NPY2R: variants seen among roughly 807,000 people sequenced by gnomAD.
The protein encoded by NPY2R is neuropeptide Y receptor type 2.
Under a neutral mutation model 22.3 loss-of-function variants are expected in NPY2R, and 17 were observed. That is an observed-to-expected ratio of 0.76 (90% CI 0.52 to 1.14). The LOEUF (loss-of-function observed/expected upper bound fraction) is 1.14, where lower values mean the gene tolerates loss of function less well. NPY2R is among the 50% of genes most tolerant of loss of function. The pLI, the probability that NPY2R is intolerant of heterozygous loss-of-function variation, is 0.00. For synonymous variants in NPY2R, 209 were observed against 183.4 expected, an observed-to-expected ratio of 1.14 and a Z score of -1.13; for missense variants, 424 against 467.9, an observed-to-expected ratio of 0.91 and a Z score of 0.87.
At chr4:155,188,657 T>C in the NPY2R span, among the ~76,000 whole-genome samples, 1 of 152,118 alleles carries the variant, frequency 6.6e-6, no homozygotes, top group South Asian at 2.1e-4. Context: ...GAGAGACCTA[T>C]GTGACAAGGG....
the NPY2R span, among the ~76,000 whole-genome samples, chr4:155,185,847 T>G: frequency 6.6e-6 from 1 of 152,026 alleles, no homozygotes; most frequent in Non-Finnish European, 1.5e-5. Context: ...TAAAAGGCAG[T>G]CACACCATCT....
In NPY2R at chr4:155,215,448, C is replaced by T. The variant is rs982213081; in HGVS notation, c.*363C>T. 1.9e-5 allele frequency: 7 copies of T among 372,564 alleles called. No individual in the cohort carries two copies. The highest frequency in any genetic ancestry group is 4.2e-5 in the African/African-American group (2 of 47,160). The allele number at this position is 372,564 out of a possible 1,614,324, so 23.1% of individuals were successfully genotyped here. On this transcript the variant is annotated 3_prime_UTR_variant, in exon 2 of 2. Coordinates refer to ENST00000329476, the MANE Select transcript of NPY2R (RefSeq NM_000910.4). ...GGAAAATAAGTTGACTTTCAAATCA[C>T]GTTAGGACCTGGATTGAGGAGGTGT...
the NPY2R span, among the ~76,000 whole-genome samples, chr4:155,174,593 A>T: frequency 6.6e-6 from 1 of 151,374 alleles, no homozygotes; most frequent in Non-Finnish European, 1.5e-5. Context: ...TAAGGCATAA[A>T]GGAAGACTGT....
chr4:155,174,484 A>ATATATATATATATATATGTATATT, the NPY2R span, among the ~76,000 whole-genome samples: 1 of 106,120 alleles, frequency 9.4e-6, no homozygotes, highest in African/African-American at 4.5e-5. Flanking sequence ...ATATATATAT[A>ATATATATATATATATATGTATATT]TTTTTTTTTT....
the NPY2R span, among the ~76,000 whole-genome samples, chr4:155,199,006 A>G: frequency 1.1e-4 from 17 of 152,168 alleles, 1 homozygote; most frequent in South Asian, 2.9e-3. Flanking sequence ...AAGTAAACCA[A>G]TACAAGAGTA....
At chr4:155,207,611 C>A (rs1453493023), upstream of NPY2R, 1 of 152,236 alleles carries the variant, frequency 6.6e-6, no homozygotes. Context: ...GGGAGGAATC[C>A]CGAGGAAATA....
At chr4:155,186,678 A>T in the NPY2R span, among the ~76,000 whole-genome samples, 1 of 152,166 alleles carries the variant, frequency 6.6e-6, no homozygotes, top group East Asian at 1.9e-4. Flanking sequence ...CATGATACAC[A>T]GTAGATCTTT....
At chr4:155,174,486 T>TATATATATATA in the NPY2R span, among the ~76,000 whole-genome samples, 23 of 68,662 alleles carry the variant, frequency 3.3e-4, no homozygotes, top group African/African-American at 1.7e-3. Flanking sequence ...ATATATATAT[T>TATATATATATA]TTTTTTTTTA....
chr4:155,192,673 T>C, the NPY2R span, among the ~76,000 whole-genome samples: 3 of 151,964 alleles, frequency 2.0e-5, no homozygotes, highest in Non-Finnish European at 4.4e-5. Flanking sequence ...TAAATACCCA[T>C]CAATGAGTAA....
the NPY2R span, among the ~76,000 whole-genome samples, chr4:155,178,596 T>C: frequency 2.0e-5 from 3 of 152,230 alleles, no homozygotes; most frequent in Non-Finnish European, 4.4e-5. Flanking sequence ...GAGGTTGAAA[T>C]AGGCAACTAT....
At chr4:155,199,710 C>A in the NPY2R span, among the ~76,000 whole-genome samples, 1 of 151,958 alleles carries the variant, frequency 6.6e-6, no homozygotes, top group Non-Finnish European at 1.5e-5. Context: ...AGAAATAACA[C>A]CACAAATCTG....
the NPY2R span, among the ~76,000 whole-genome samples, chr4:155,188,276 A>G: frequency 6.6e-6 from 1 of 152,128 alleles, no homozygotes; most frequent in East Asian, 1.9e-4. Flanking sequence ...ATACAAAAGA[A>G]TCACCTGTTC....
the NPY2R span, among the ~76,000 whole-genome samples, chr4:155,184,930 T>C: frequency 4.0e-4 from 59 of 148,828 alleles, no homozygotes; most frequent in Non-Finnish European, 6.5e-4. Flanking sequence ...TATTTTTAAA[T>C]ACATAGTCTG....
the NPY2R span, among the ~76,000 whole-genome samples, chr4:155,203,306 T>C: frequency 6.6e-6 from 1 of 152,170 alleles, no homozygotes; most frequent in African/African-American, 2.4e-5. Flanking sequence ...ACAAATATTT[T>C]AAGAAATTTA....
the NPY2R span, among the ~76,000 whole-genome samples, chr4:155,200,068 T>C: frequency 6.6e-6 from 1 of 152,152 alleles, no homozygotes; most frequent in East Asian, 1.9e-4. Context: ...CAGACAACCT[T>C]ATACAATGTG....
the NPY2R span, among the ~76,000 whole-genome samples, chr4:155,200,621 A>T: frequency 6.6e-6 from 1 of 152,194 alleles, no homozygotes; most frequent in African/African-American, 2.4e-5. Flanking sequence ...CATGAATGAT[A>T]GACTAGATAA....
the NPY2R span, among the ~76,000 whole-genome samples, chr4:155,191,983 T>C: frequency 6.6e-6 from 1 of 151,956 alleles, no homozygotes. Context: ...AAGTCACCAC[T>C]TTATGCATCA....
At chr4:155,195,056 CAA>C in the NPY2R span, among the ~76,000 whole-genome samples, 1 of 151,752 alleles carries the variant, frequency 6.6e-6, no homozygotes, top group Non-Finnish European at 1.5e-5. Context: ...GTTAATTAAG[CAA>C]AGAGATGTAT....
the NPY2R span, among the ~76,000 whole-genome samples, chr4:155,179,649 A>G: frequency 0.12 from 17,802 of 152,220 alleles, 1,341 homozygotes; most frequent in African/African-American, 0.21. Flanking sequence ...TGCTGTTTCC[A>G]AGGAATTTGT....
Sources: allele counts gnomAD v4.1 joint callset (sites outside exome capture counted in the v4.1 genomes callset), GRCh38; gene constraint gnomAD v4.1.1; transcripts MANE v1.5; gene names NCBI Gene and HGNC (gene_info 2026-07-23, HGNC 2026-07-21).